Variants in MTUS2 observed in about 807,000 individuals in gnomAD.
MTUS2 encodes the protein microtubule associated scaffold protein 2.
MTUS2 carries 40 observed loss-of-function variants against 114.1 expected under a neutral mutation model. That is an observed-to-expected ratio of 0.35 (90% CI 0.27 to 0.46). The LOEUF (loss-of-function observed/expected upper bound fraction) is 0.46. Among genes scored for constraint, MTUS2 ranks in the 20% least tolerant of loss-of-function variants. MTUS2 has a pLI of 1.00. For synonymous variants in MTUS2, 688 were observed against 672.0 expected, an observed-to-expected ratio of 1.02 and a Z score of -0.37; for missense variants, 1,679 against 1,705.4, an observed-to-expected ratio of 0.98 and a Z score of 0.27.
intron 5 of MTUS2, among the ~76,000 whole-genome samples, chr13:29,216,679 A>G (rs1593178571): frequency 6.6e-6 from 1 of 152,198 alleles, no homozygotes. Context: ...CTCACCCTGC[A>G]TGGGCTACAC....
At chr13:29,319,348 C>T (rs1001060248) in intron 6 of MTUS2, among the ~76,000 whole-genome samples, 4 of 152,126 alleles carry the variant, frequency 2.6e-5, no homozygotes, top group African/African-American at 7.2e-5. Context: ...TCAACCGCAG[C>T]GGCAGGAATG....
intron 2 of MTUS2, among the ~76,000 whole-genome samples, chr13:28,864,146 T>G (rs1192600960): frequency 6.6e-6 from 1 of 152,190 alleles, no homozygotes; most frequent in African/African-American, 2.4e-5. Context: ...TGAAAATCTA[T>G]GAAGATTCAT....
intron 5 of MTUS2, among the ~76,000 whole-genome samples, chr13:29,264,367 G>A (rs1897589463): frequency 6.6e-6 from 1 of 152,234 alleles, no homozygotes; most frequent in Admixed American, 6.5e-5. Flanking sequence ...TTTCCTTGCT[G>A]AGAGGTGCAG....
At chr13:29,229,757 C>G (rs956504281) in intron 5 of MTUS2, among the ~76,000 whole-genome samples, 1 of 152,200 alleles carries the variant, frequency 6.6e-6, no homozygotes, top group African/African-American at 2.4e-5. Flanking sequence ...AGGAAACTCA[C>G]TATCCTCAGA....
intron 1 of MTUS2, among the ~76,000 whole-genome samples, chr13:28,830,951 T>G (rs1422084765): frequency 6.6e-6 from 1 of 152,060 alleles, no homozygotes; most frequent in Non-Finnish European, 1.5e-5. Flanking sequence ...AACAAAAGAT[T>G]AAGATGTCTC....
chr13:29,397,118 C>A (rs1873964606), intron 8 of MTUS2, among the ~76,000 whole-genome samples: 1 of 152,176 alleles, frequency 6.6e-6, no homozygotes, highest in Non-Finnish European at 1.5e-5. Context: ...ACTAGGTTGA[C>A]AGCCCAACCA....
intron 6 of MTUS2, among the ~76,000 whole-genome samples, chr13:29,301,468 A>G (rs1290188708): frequency 2.0e-5 from 3 of 152,222 alleles, no homozygotes; most frequent in African/African-American, 7.2e-5. Flanking sequence ...CACGTTGGAC[A>G]TATTTCTTTC....
intron 1 of MTUS2, among the ~76,000 whole-genome samples, chr13:28,836,330 A>G (rs1373698050): frequency 6.6e-6 from 1 of 152,218 alleles, no homozygotes; most frequent in Non-Finnish European, 1.5e-5. Flanking sequence ...GACAGTGTTA[A>G]GAGTGATTTT....
At chr13:28,991,269 G>T (rs771826921) in intron 2 of MTUS2, among the ~76,000 whole-genome samples, 2 of 152,072 alleles carry the variant, frequency 1.3e-5, no homozygotes, top group Non-Finnish European at 2.9e-5. Flanking sequence ...AGAGTCAAAT[G>T]TGTGTAGGTT....
intron 7 of MTUS2, among the ~76,000 whole-genome samples, chr13:29,348,920 A>G (rs1341639458): frequency 1.3e-5 from 2 of 151,942 alleles, no homozygotes; most frequent in East Asian, 1.9e-4. Flanking sequence ...TAACCTTTTC[A>G]TCTATTTGTC....
intron 5 of MTUS2, among the ~76,000 whole-genome samples, chr13:29,104,181 T>A (rs1418751263): frequency 6.6e-6 from 1 of 152,188 alleles, no homozygotes; most frequent in Non-Finnish European, 1.5e-5. Flanking sequence ...TCTTTTTACC[T>A]TTTCCACAAG....
chr13:28,977,503 CT>C (rs1192951599), intron 2 of MTUS2, among the ~76,000 whole-genome samples: 7 of 152,154 alleles, frequency 4.6e-5, no homozygotes, highest in Non-Finnish European at 1.0e-4. Context: ...CCTAAACTTT[CT>C]GTAATATAAC....
intron 7 of MTUS2, among the ~76,000 whole-genome samples, chr13:29,341,447 T>A (rs1261710493): frequency 6.6e-6 from 1 of 152,156 alleles, no homozygotes; most frequent in African/African-American, 2.4e-5. Context: ...ATTTGTATAA[T>A]TGAGAATTGT....
chr13:29,447,328 T>C (rs4379923), intron 9 of MTUS2, among the ~76,000 whole-genome samples: 17,530 of 152,198 alleles, frequency 0.12, 1,630 homozygotes, highest in African/African-American at 0.26. Context: ...CTCAGTTTTA[T>C]AGCAGTTGCA....
At chr13:28,907,220 C>T (rs1430265328) in intron 2 of MTUS2, among the ~76,000 whole-genome samples, 1 of 151,420 alleles carries the variant, frequency 6.6e-6, no homozygotes, top group Non-Finnish European at 1.5e-5. Context: ...TTTGTCTCCA[C>T]CAGGCCTGCC....
chr13:29,196,685 T>C (rs753392638), intron 5 of MTUS2, among the ~76,000 whole-genome samples: 1 of 152,190 alleles, frequency 6.6e-6, no homozygotes, highest in Non-Finnish European at 1.5e-5. Context: ...TGACTACTCA[T>C]AGAGTGGAAC....
chr13:28,899,757 T>C (rs372902971), intron 2 of MTUS2, among the ~76,000 whole-genome samples: 3 of 152,302 alleles, frequency 2.0e-5, no homozygotes, highest in African/African-American at 7.2e-5. Flanking sequence ...TCTGTCACTT[T>C]CTTTTTTCTG....
chr13:28,841,676 GTTTTTTTTTGTTTTTTTGT>G (rs967899216), intron 2 of MTUS2, among the ~76,000 whole-genome samples: 11 of 149,798 alleles, frequency 7.3e-5, no homozygotes, highest in African/African-American at 2.7e-4. Flanking sequence ...GTGTGTGTGT[GTTTTTTTTTGTTTTTTTGT>G]TTTTTTTTTG....
chr13:29,321,850 T>C (rs1173496542), intron 6 of MTUS2, among the ~76,000 whole-genome samples: 1 of 152,198 alleles, frequency 6.6e-6, no homozygotes, highest in Non-Finnish European at 1.5e-5. Flanking sequence ...ATAATACATA[T>C]GACATTTTGT....
Sources: allele counts gnomAD v4.1 joint callset (sites outside exome capture counted in the v4.1 genomes callset), GRCh38; gene constraint gnomAD v4.1.1; transcripts MANE v1.5; gene names NCBI Gene and HGNC (gene_info 2026-07-23, HGNC 2026-07-21).